ISLR2: variants seen among roughly 807,000 people sequenced by gnomAD.
ISLR2 encodes immunoglobulin superfamily containing leucine-rich repeat protein 2.
Under a neutral mutation model 25.5 loss-of-function variants are expected in ISLR2, and 16 were observed. The ratio of observed to expected loss-of-function variants is 0.63; its 90% CI spans 0.43 to 0.95. The LOEUF is 0.95. ISLR2 is among the 40% of genes least tolerant of loss of function. The pLI, the probability that ISLR2 is intolerant of heterozygous loss-of-function variation, is 0.00. For missense variants in ISLR2, 883 were observed against 1,030.7 expected (o/e 0.86, Z 1.96); for synonymous variants, 508 against 486.6 (o/e 1.04, Z -0.58).
downstream of ISLR2, among the ~76,000 whole-genome samples, chr15:74,140,536 A>G (rs1454588303): frequency 6.6e-6 from 1 of 152,236 alleles, no homozygotes; most frequent in Admixed American, 6.5e-5. Flanking sequence ...GACCATGACT[A>G]TGTAAGCACA....
In ISLR2 at chr15:74,134,438, A is replaced by G; in HGVS notation, c.1684A>G (p.Thr562Ala). ...CTGGTTCCGCGGCCTGCGGCCGGGT[A>G]CCAACTACTCCGTGTGCCTGGCGCT... ...AYWFRGLRPG[T>A]NYSVCLALAG... The change falls in exon 3 of 3, where the codon ACC (threonine) becomes GCC (alanine). Residue 562 changes from threonine (T) to alanine (A), a missense_variant. Thr to Ala is a moderately conservative substitution (Grantham distance 58). Coordinates refer to ENST00000453268, the MANE Select transcript of ISLR2 (RefSeq NM_020851.3). 1.9e-6 allele frequency: 3 copies of G among 1,612,164 alleles called. No homozygotes were observed. The highest frequency in any genetic ancestry group is 1.7e-4 in the Middle Eastern group (1 of 5,898).
At chr15:74,111,435 G>A (rs1293486001) in intron 2 of ISLR2, among the ~76,000 whole-genome samples, 4 of 151,958 alleles carry the variant, frequency 2.6e-5, no homozygotes, top group Non-Finnish European at 4.4e-5. Flanking sequence ...GAGTACAGGC[G>A]TGCACCATCA....
At chr15:74,121,242 G>T (rs917109213) in intron 2 of ISLR2, among the ~76,000 whole-genome samples, 1 of 152,164 alleles carries the variant, frequency 6.6e-6, no homozygotes, top group Non-Finnish European at 1.5e-5. Context: ...AGATATGTGG[G>T]TTGGACACAG....
chr15:74,112,564 G>T (rs1334471846), intron 2 of ISLR2, among the ~76,000 whole-genome samples: 58 of 140,290 alleles, frequency 4.1e-4, no homozygotes, highest in African/African-American at 1.5e-3. Context: ...TTTTGCTCTT[G>T]TATCCCAGGC....
upstream of ISLR2, chr15:74,128,668 GC>G (rs2072336950): frequency 2.2e-6 from 1 of 456,204 alleles, no homozygotes; most frequent in African/African-American, 2.0e-5. Flanking sequence ...GTAAAAACCG[GC>G]GGAGGGCCTT....
chr15:74,110,643 C>G (rs1434000035), intron 2 of ISLR2, among the ~76,000 whole-genome samples: 1 of 148,562 alleles, frequency 6.7e-6, no homozygotes, highest in Non-Finnish European at 1.5e-5. Flanking sequence ...CATGGTGAAA[C>G]CCTGTCTCTA....
At position 74,118,763 on chromosome 15, in the gene ISLR2, T is replaced by C. The variant is rs189625274; in HGVS notation, n.229-12444T>C. 6.6e-4 allele frequency among the ~76,000 whole-genome samples: 100 copies of C among 152,040 alleles called. 1 individual carries two copies. The highest frequency in any genetic ancestry group is 2.3e-3 in the African/African-American group (95 of 41,482). ...AGCTCCGCTTCCCAGGTTCATGCCA[T>C]TCTCCTGCCTCAGCCTCCCAAATAG... On this transcript the variant is annotated intron_variant and non_coding_transcript_variant, in intron 2 of 3. Coordinates refer to the ISLR2 transcript ENST00000561975.
intron 2 of ISLR2, among the ~76,000 whole-genome samples, chr15:74,117,811 T>G (rs1282583665): frequency 1.3e-5 from 2 of 152,212 alleles, no homozygotes; most frequent in East Asian, 3.8e-4. Context: ...CACTCTAGCC[T>G]TCCTACCAAT....
chr15:74,133,201 G>GC lies in ISLR2; in HGVS notation c.448dup (p.Arg150ProfsTer22). The GC allele has an allele frequency of 6.2e-7, 1 of 1,613,120 alleles. No individual in the cohort carries two copies. The highest frequency in any genetic ancestry group is 8.5e-7 in the Non-Finnish European group (1 of 1,180,018). On this transcript the variant is annotated frameshift_variant, in exon 3 of 3. Transcript: ENST00000453268. LOFTEE classifies it low-confidence loss of function (END_TRUNC). ...ACGCACTCGGTGCGCTACCCGACCT[G>GC]CGTTCCCTGCGCATCAACAACAACC...
chr15:74,116,396 T>C (rs2141933530), intron 2 of ISLR2, among the ~76,000 whole-genome samples: 1 of 149,246 alleles, frequency 6.7e-6, no homozygotes, highest in East Asian at 2.0e-4. Flanking sequence ...AGGCCTCATC[T>C]CTACAAAAAA....
rs780009017 is a variant in ISLR2, at chr15:74,133,807, C to G, written c.1053C>G (p.Gly351=). The G allele has an allele frequency of 6.2e-7, 1 of 1,613,942 alleles. No homozygotes were observed. The highest frequency in any genetic ancestry group is 1.3e-5 in the African/African-American group (1 of 75,068). ...CCCTCCTGAGTGCCAAGGAGGCGGG[C>G]GTCTACACTTGCCGTGCACACAATG... ...LVPLLSAKEA[G]VYTCRAHNEL... Residue 351 remains glycine, a synonymous_variant, in exon 3 of 3, where the codon GGC becomes GGG. Transcript: ENST00000453268.
chr15:74,132,436 G>A lies in ISLR2; in HGVS notation c.-8-311G>A, dbSNP rs546002269. Reference sequence around the variant, plus strand: ...AAACACAGAGAGGGGTACGTGAGGAGCCCGCTGGAGATGGGCGAGCTGCGG... The same window carrying A: ...AAACACAGAGAGGGGTACGTGAGGAACCCGCTGGAGATGGGCGAGCTGCGG... On this transcript the variant is annotated intron_variant, in intron 2 of 2. Coordinates refer to ENST00000453268, the MANE Select transcript of ISLR2 (RefSeq NM_020851.3). The surrounding 1 kb of genome is among the most constrained non-coding windows in gnomAD (Gnocchi z 4.3). 5.2e-4 allele frequency among the ~76,000 whole-genome samples: 79 copies of A among 152,288 alleles called. 1 individual carries two copies. The South Asian group carries it at 0.013, about 25-fold the overall frequency.
downstream of ISLR2, among the ~76,000 whole-genome samples, chr15:74,139,672 A>T (rs145479203): frequency 6.6e-6 from 1 of 152,156 alleles, no homozygotes; most frequent in Non-Finnish European, 1.5e-5. Flanking sequence ...CTCTGGGAGA[A>T]CCTACCAGGT....
intron 2 of ISLR2, among the ~76,000 whole-genome samples, chr15:74,109,960 G>GT (rs1033386420): frequency 2.0e-5 from 3 of 152,062 alleles, no homozygotes; most frequent in East Asian, 1.9e-4. Context: ...ACGCCCGGAT[G>GT]TTTTTTTATT....
chr15:74,123,483 T>C (rs1288718103), upstream of ISLR2, among the ~76,000 whole-genome samples: 1 of 152,184 alleles, frequency 6.6e-6, no homozygotes, highest in African/African-American at 2.4e-5. Flanking sequence ...GGTGGAAACC[T>C]AGAAGGAGAG....
chr15:74,110,351 T>C (rs2072155859), intron 2 of ISLR2, among the ~76,000 whole-genome samples: 1 of 152,200 alleles, frequency 6.6e-6, no homozygotes, highest in African/African-American at 2.4e-5. Flanking sequence ...GACCTAGCAA[T>C]TGCTTCTGGG....
intron 2 of ISLR2, among the ~76,000 whole-genome samples, chr15:74,131,627 C>T (rs541045236): frequency 6.6e-6 from 1 of 152,296 alleles, no homozygotes; most frequent in African/African-American, 2.4e-5. Context: ...TGGAGAAAGG[C>T]GCAGAATCTT....
At chr15:74,121,378 A>G (rs1000955162) in intron 2 of ISLR2, among the ~76,000 whole-genome samples, 3 of 152,134 alleles carry the variant, frequency 2.0e-5, no homozygotes, top group Non-Finnish European at 4.4e-5. Context: ...TCATAGCCTG[A>G]TTCCTCTGGC....
chr15:74,127,280 G>C (rs2072310495), upstream of ISLR2: 1 of 152,124 alleles, frequency 6.6e-6, no homozygotes, highest in African/African-American at 2.4e-5. Context: ...CTTTGCCCCT[G>C]TTAGCGCCAA....
Sources: gnomAD v4.1 joint callset for allele counts (sites outside exome capture counted in the v4.1 genomes callset) on GRCh38, gnomAD v4.1.1 for gene constraint, Gnocchi (gnomAD v3.1) non-coding constraint, MANE v1.5 for transcripts, NCBI Gene and HGNC (gene_info 2026-07-23, HGNC 2026-07-21) for gene names.